TRARG1: variants seen among roughly 807,000 people sequenced by gnomAD.
TRARG1 encodes the protein trafficking regulator of GLUT4 1.
TRARG1 carries 16 observed loss-of-function variants against 13.3 expected under a neutral mutation model. The ratio of observed to expected loss-of-function variants is 1.20; its 90% CI spans 0.81 to 1.83. The LOEUF (loss-of-function observed/expected upper bound fraction) is 1.83. Ranked by LOEUF, TRARG1 falls within the 40% of genes most tolerant of loss-of-function variation. The probability of loss-of-function intolerance (pLI) is 0.00; values close to 1 mark genes in which losing one functional copy is unlikely to be tolerated. For synonymous variants in TRARG1, 113 were observed against 106.2 expected (o/e 1.06, Z -0.39); for missense variants, 250 against 237.4 (o/e 1.05, Z -0.35).
At chr17:1,295,244 T>C (rs1304074231) in intron 1 of TRARG1, among the ~76,000 whole-genome samples, 1 of 152,226 alleles carries the variant, frequency 6.6e-6, no homozygotes, top group Non-Finnish European at 1.5e-5. Context: ...GTGCCAGGCT[T>C]TGCTGGGTTC....
chr17:1,297,925 C>T (rs762798767), intron 2 of TRARG1, among the ~76,000 whole-genome samples: 26 of 152,152 alleles, frequency 1.7e-4, no homozygotes, highest in Non-Finnish European at 3.5e-4. Context: ...ACATTTTAAT[C>T]AGTCCAGTAA....
At chr17:1,295,109 C>T (rs1006568844) in intron 1 of TRARG1, among the ~76,000 whole-genome samples, 17 of 152,206 alleles carry the variant, frequency 1.1e-4, no homozygotes, top group African/African-American at 3.9e-4. Flanking sequence ...AGAATTGAGG[C>T]TTGCGCTGGG....
Position 1,280,093 on chromosome 17 carries a change from C to T in TRARG1, c.92C>T (p.Thr31Ile), listed in dbSNP as rs930288091. The change falls in exon 1 of 3, where the codon ACC becomes ATC. Residue 31 changes from threonine (T) to isoleucine (I), a missense_variant. Thr to Ile is a moderately conservative substitution (Grantham distance 89, BLOSUM62 -1). Coordinates refer to ENST00000333813, the MANE Select transcript of TRARG1 (RefSeq NM_172367.3). ...CTGCCGGAGATGGAGATACTCCTCA[C>T]CAAGGCAGAGAACAAGGATGACAAG... ...LDLPEMEILL[T>I]KAENKDDKTL... The T allele has an allele frequency of 2.1e-5, 34 of 1,613,542 alleles. No homozygotes were observed. Among genetic ancestry groups the T allele is most frequent in the African/African-American group, 9.3e-5 (7 of 74,940 alleles).
At chr17:1,288,253 C>A (rs138755136) in intron 1 of TRARG1, among the ~76,000 whole-genome samples, 3 of 147,460 alleles carry the variant, frequency 2.0e-5, no homozygotes, top group African/African-American at 7.5e-5. Flanking sequence ...CCATCCCCCA[C>A]GGGCTCCTCA....
At position 1,280,097 on chromosome 17, in the gene TRARG1, G is replaced by A; in HGVS notation, c.96G>A (p.Lys32=). Reference sequence around the variant, plus strand: ...CGGAGATGGAGATACTCCTCACCAAGGCAGAGAACAAGGATGACAAGACCC... The same window carrying A: ...CGGAGATGGAGATACTCCTCACCAAAGCAGAGAACAAGGATGACAAGACCC... ...DLPEMEILLT[K]AENKDDKTLN... The change falls in exon 1 of 3, where the codon AAG becomes AAA. Residue 32 remains lysine (K), a synonymous_variant. Coordinates refer to ENST00000333813, the MANE Select transcript of TRARG1 (RefSeq NM_172367.3). 1 of 1,613,686 alleles carries A rather than the reference G, an allele frequency of 6.2e-7. No individual in the cohort carries two copies. The highest frequency in any genetic ancestry group is 8.5e-7 in the Non-Finnish European group (1 of 1,180,032).
At chr17:1,280,535 C>A in intron 1 of TRARG1, 147 bp downstream of exon 1, 3 of 896,076 alleles carry the variant, frequency 3.3e-6, no homozygotes, top group African/African-American at 1.7e-5. Context: ...TCCTCACTGG[C>A]CTCCTCCTTC....
chr17:1,282,433 C>T (rs1238059872), intron 1 of TRARG1, among the ~76,000 whole-genome samples: 3 of 151,768 alleles, frequency 2.0e-5, no homozygotes, highest in South Asian at 2.1e-4. Context: ...TGCAATGGTG[C>T]GATCTCGGCT....
intron 1 of TRARG1, among the ~76,000 whole-genome samples, chr17:1,293,283 C>CAAAAAAA (rs55792385): frequency 1.3e-5 from 1 of 77,156 alleles, no homozygotes; most frequent in African/African-American, 5.3e-5. Flanking sequence ...GACTCTGTCT[C>CAAAAAAA]AAAAAAAAAA....
At position 1,300,209 on chromosome 17, in the gene TRARG1, C is replaced by T. The variant is rs530633575; in HGVS notation, c.*1945C>T. 1 of 152,318 alleles carries T rather than the reference C, an allele frequency of 6.6e-6. No individual in the cohort carries two copies. The highest frequency in any genetic ancestry group is 2.1e-4 in the South Asian group (1 of 4,828). The allele number at this position is 152,318 out of a possible 1,614,324, so 9.4% of individuals were successfully genotyped here. A position where few individuals can be genotyped will look rare whatever the true frequency, so the allele number is the denominator to read the frequency against. On this transcript the variant is annotated 3_prime_UTR_variant, in exon 3 of 3. Coordinates refer to ENST00000333813, the MANE Select transcript of TRARG1 (RefSeq NM_172367.3). ...ACGTCACACAGGGGAGAGGCGAGGT[C>T]GATGGAACTGGCCACGCACAGGCTC...
chr17:1,297,631 T>C (rs959418192), intron 2 of TRARG1, among the ~76,000 whole-genome samples: 2 of 145,076 alleles, frequency 1.4e-5, no homozygotes, highest in African/African-American at 5.2e-5. Context: ...CCAGACAGAG[T>C]CTTGCTCTGT....
At chr17:1,283,211 C>T (rs1418265685) in intron 1 of TRARG1, among the ~76,000 whole-genome samples, 2 of 150,922 alleles carry the variant, frequency 1.3e-5, no homozygotes, top group African/African-American at 2.5e-5. Context: ...CTGGCATTCC[C>T]ATCTGCAAAA....
intron 1 of TRARG1, among the ~76,000 whole-genome samples, chr17:1,283,057 G>C (rs949120430): frequency 1.3e-5 from 2 of 152,150 alleles, no homozygotes; most frequent in Admixed American, 1.3e-4. Context: ...TTGCTAACCA[G>C]ACACTGTTGC....
At chr17:1,280,754 C>T (rs1238089252) in intron 1 of TRARG1, among the ~76,000 whole-genome samples, 2 of 152,166 alleles carry the variant, frequency 1.3e-5, no homozygotes, top group South Asian at 2.1e-4. Flanking sequence ...GGGTCATCGC[C>T]AAGTGGGGCT....
chr17:1,282,263 TACATATATGC>T (rs1269591347), intron 1 of TRARG1, among the ~76,000 whole-genome samples: 10 of 124,028 alleles, frequency 8.1e-5, no homozygotes, highest in East Asian at 4.3e-4. Flanking sequence ...TACGTATATG[TACATATATGC>T]ACGTATATGT....
intron 1 of TRARG1, among the ~76,000 whole-genome samples, chr17:1,289,625 C>G (rs976402570): frequency 2.6e-5 from 4 of 151,340 alleles, no homozygotes; most frequent in African/African-American, 9.7e-5. Context: ...TCTCCCACTC[C>G]TCCTCAGGCT....
chr17:1,282,256 G>GTATATGTACGTATATGTACATATGCGTA (rs2071985667), intron 1 of TRARG1, among the ~76,000 whole-genome samples: 1 of 125,938 alleles, frequency 7.9e-6, no homozygotes, highest in Admixed American at 7.6e-5. Context: ...GTATATGTAC[G>GTATATGTACGTATATGTACATATGCGTA]TATATGTACA....
At chr17:1,284,871 G>A (rs1193942824) in intron 1 of TRARG1, among the ~76,000 whole-genome samples, 3 of 151,776 alleles carry the variant, frequency 2.0e-5, no homozygotes, top group South Asian at 4.2e-4. Flanking sequence ...TAGTAGATAC[G>A]GGGTTTCACT....
At chr17:1,283,817 T>A (rs11653506) in intron 1 of TRARG1, among the ~76,000 whole-genome samples, 34,115 of 130,366 alleles carry the variant, frequency 0.26, 4,393 homozygotes, top group African/African-American at 0.39. Context: ...TCAAAAAAAA[T>A]AAAATAAAAT....
chr17:1,286,648 C>A (rs2072026945), intron 1 of TRARG1, among the ~76,000 whole-genome samples: 1 of 132,914 alleles, frequency 7.5e-6, no homozygotes, highest in African/African-American at 2.9e-5. Context: ...GTGTTATCGG[C>A]CTGTGGGGTG....
Sources: allele counts gnomAD v4.1 joint callset (sites outside exome capture counted in the v4.1 genomes callset), GRCh38; gene constraint gnomAD v4.1.1; transcripts MANE v1.5; gene names NCBI Gene and HGNC (gene_info 2026-07-23, HGNC 2026-07-21).